JHY: variants seen among roughly 807,000 people sequenced by gnomAD.
The protein encoded by JHY is jhy protein homolog.
A neutral mutation model predicts 78.0 loss-of-function variants in JHY; 69 were observed. The observed-to-expected ratio is 0.88, with a 90% confidence interval of 0.73 to 1.08. The LOEUF is 1.08. JHY is among the 50% of genes least tolerant of loss of function. The probability of loss-of-function intolerance (pLI) is 0.00; values close to 1 mark genes in which losing one functional copy is unlikely to be tolerated. For synonymous variants in JHY, 368 were observed against 342.6 expected (o/e 1.07, Z -0.82); for missense variants, 944 against 927.8 (o/e 1.02, Z -0.23).
intron 2 of JHY, among the ~76,000 whole-genome samples, chr11:122,894,596 A>T (rs527653444): frequency 4.6e-5 from 7 of 152,352 alleles, no homozygotes; most frequent in Non-Finnish European, 1.0e-4. Flanking sequence ...ACATGACATA[A>T]TCTTAATAGA....
intron 6 of JHY, among the ~76,000 whole-genome samples, chr11:122,951,033 A>G (rs1864074202): frequency 6.6e-6 from 1 of 152,220 alleles, no homozygotes; most frequent in African/African-American, 2.4e-5. Context: ...GAAATGAGCT[A>G]TTTGTATAGG....
intron 3 of JHY, 137 bp from the exon 4 acceptor site, chr11:122,924,760 G>A (rs1863457476): frequency 3.2e-6 from 2 of 634,254 alleles, no homozygotes; most frequent in African/African-American, 3.7e-5. Context: ...GAGGACTGAT[G>A]AGATGAATCC....
At chr11:122,955,213 C>T (rs1010406687) in intron 6 of JHY, among the ~76,000 whole-genome samples, 1 of 152,086 alleles carries the variant, frequency 6.6e-6, no homozygotes, top group African/African-American at 2.4e-5. Context: ...CTCCGCTTCC[C>T]GGGTTCAAGC....
chr11:122,890,026 C>T (rs949754857), intron 2 of JHY, among the ~76,000 whole-genome samples: 13 of 150,708 alleles, frequency 8.6e-5, no homozygotes, highest in Admixed American at 5.3e-4. Context: ...GGATTACAGG[C>T]GTGAACCACC....
chr11:122,959,477 G>T lies in JHY; in HGVS notation c.*32G>T. On this transcript the variant is annotated 3_prime_UTR_variant, in exon 9 of 9. Coordinates refer to ENST00000227349, the MANE Select transcript of JHY (RefSeq NM_024806.4). ...TTTGATAGGAAGGAGACCAAAAATG[G>T]TCCAGGAATGAACGTGGAGAAAAGA... is the stretch of plus-strand genomic sequence containing the variant. 6.3e-7 allele frequency: 1 copy of T among 1,598,508 alleles called. No homozygotes were observed. Among genetic ancestry groups the T allele is most frequent in the Non-Finnish European group, 8.6e-7 (1 of 1,167,708 alleles).
chr11:122,900,463 T>C (rs1321087495), intron 2 of JHY, among the ~76,000 whole-genome samples: 1 of 151,646 alleles, frequency 6.6e-6, no homozygotes, highest in African/African-American at 2.4e-5. Flanking sequence ...ATCTCTCCCA[T>C]TTAGCTTTTG....
chr11:122,963,426 CAT>C lies in JHY; in HGVS notation c.*3984_*3985del, dbSNP rs1039021686. On this transcript the variant is annotated 3_prime_UTR_variant, in exon 9 of 9. Coordinates refer to ENST00000227349, the MANE Select transcript of JHY (RefSeq NM_024806.4). ...AAATAACTTTGGCTAGGAAATAAAACATATTTGCAGAAAGTTTGGGGTTGAAA... is the reference window on the plus strand; with the variant it reads ...AAATAACTTTGGCTAGGAAATAAAACATTTGCAGAAAGTTTGGGGTTGAAA... Among the ~76,000 whole-genome samples, 1 of 152,104 alleles carries C rather than the reference CAT, an allele frequency of 6.6e-6. No homozygotes were observed.
chr11:122,887,249 T>C (rs1029044731), intron 2 of JHY, among the ~76,000 whole-genome samples: 1 of 152,206 alleles, frequency 6.6e-6, no homozygotes, highest in Admixed American at 6.5e-5. Flanking sequence ...TAACCAGTTA[T>C]TATGAGGCTA....
At chr11:122,919,972 T>C (rs1038832733) in intron 3 of JHY, among the ~76,000 whole-genome samples, 1 of 152,230 alleles carries the variant, frequency 6.6e-6, no homozygotes, top group African/African-American at 2.4e-5. Flanking sequence ...TCTAAACAGC[T>C]GAATAATACA....
At chr11:122,894,579 T>C (rs1197694913) in intron 2 of JHY, among the ~76,000 whole-genome samples, 2 of 152,242 alleles carry the variant, frequency 1.3e-5, no homozygotes, top group East Asian at 3.8e-4. Context: ...GATGCAGCCT[T>C]GGTTTCACAT....
chr11:122,920,144 C>T (rs2135333543), intron 3 of JHY, among the ~76,000 whole-genome samples: 1 of 152,296 alleles, frequency 6.6e-6, no homozygotes, highest in African/African-American at 2.4e-5. Flanking sequence ...AATCGACACA[C>T]AGCAAGGTAT....
intron 8 of JHY, chr11:122,958,557 T>C (rs559448303): frequency 7.3e-5 from 16 of 220,168 alleles, no homozygotes; most frequent in South Asian, 3.3e-4. Context: ...GGTTTTTTTT[T>C]CCCCTTGCAG....
chr11:122,901,287 T>A (rs1862853351), intron 2 of JHY, among the ~76,000 whole-genome samples: 1 of 152,190 alleles, frequency 6.6e-6, no homozygotes, highest in Non-Finnish European at 1.5e-5. Context: ...TACATTTCTC[T>A]GGGTGAGGCA....
In JHY at chr11:122,963,372, A is replaced by C. The variant is rs1864351211; in HGVS notation, c.*3927A>C. On this transcript the variant is annotated 3_prime_UTR_variant, in exon 9 of 9. Transcript: ENST00000227349. ...GTACATAAGACTCTAGAACATTAAA[A>C]TTCTTTATATAGTGCCATGTGGCAT... 6.6e-6 allele frequency among the ~76,000 whole-genome samples: 1 copy of C among 152,234 alleles called. No homozygotes were observed. The highest frequency in any genetic ancestry group is 1.5e-5 in the Non-Finnish European group (1 of 68,032).
chr11:122,929,617 G>A (rs571758015), intron 4 of JHY, among the ~76,000 whole-genome samples: 1 of 152,318 alleles, frequency 6.6e-6, no homozygotes, highest in East Asian at 1.9e-4. Flanking sequence ...CAGGTACCCA[G>A]CAGTGAGGTG....
chr11:122,897,370 C>T (rs1165515719), intron 2 of JHY, among the ~76,000 whole-genome samples: 2 of 152,150 alleles, frequency 1.3e-5, no homozygotes, highest in East Asian at 1.9e-4. Flanking sequence ...ACTACAGGCA[C>T]ATGCCACAGT....
intron 5 of JHY, among the ~76,000 whole-genome samples, chr11:122,944,908 T>C (rs955944082): frequency 3.3e-5 from 5 of 152,164 alleles, no homozygotes; most frequent in Admixed American, 2.6e-4. Context: ...TATTGGTTTG[T>C]AAGTGTTTCC....
chr11:122,902,842 G>A (rs1862891012), intron 2 of JHY, among the ~76,000 whole-genome samples: 1 of 152,138 alleles, frequency 6.6e-6, no homozygotes, highest in Non-Finnish European at 1.5e-5. Context: ...CTCCCACCAG[G>A]CCCTACCTCC....
intron 4 of JHY, among the ~76,000 whole-genome samples, chr11:122,930,502 A>G (rs1235692199): frequency 1.3e-5 from 2 of 152,206 alleles, no homozygotes; most frequent in African/African-American, 4.8e-5. Context: ...AAAGGGCGAG[A>G]AAAGAGAGAA....
Sources: allele counts gnomAD v4.1 joint callset (sites outside exome capture counted in the v4.1 genomes callset), GRCh38; gene constraint gnomAD v4.1.1; transcripts MANE v1.5; gene names NCBI Gene and HGNC (gene_info 2026-07-23, HGNC 2026-07-21).